The following DOCK1 variants were observed in gnomAD, a reference collection of about 807,000 sequenced individuals.
DOCK1 encodes dedicator of cytokinesis 1.
A neutral mutation model predicts 262.7 loss-of-function variants in DOCK1; 138 were observed. That is an observed-to-expected ratio of 0.53 (90% CI 0.46 to 0.61). The LOEUF is 0.61. DOCK1 is among the 20% of genes least tolerant of loss of function. The probability of loss-of-function intolerance (pLI) is 0.00; values close to 1 mark genes in which losing one functional copy is unlikely to be tolerated. For missense variants in DOCK1, 1,908 were observed against 2,370.7 expected, an observed-to-expected ratio of 0.80 and a Z score of 4.05; for synonymous variants, 866 against 867.4, an observed-to-expected ratio of 1.00 and a Z score of 0.03.
At chr10:127,149,762 T>G (rs1301741180) in intron 27 of DOCK1, among the ~76,000 whole-genome samples, 3 of 152,210 alleles carry the variant, frequency 2.0e-5, no homozygotes, top group Admixed American at 2.0e-4. Context: ...TTCTCAAGCC[T>G]CTGGGACAAC....
At chr10:127,396,157 C>T (rs72842981) in intron 38 of DOCK1, among the ~76,000 whole-genome samples, 58,450 of 146,108 alleles carry the variant, frequency 0.4, 12,203 homozygotes, top group Middle Eastern at 0.52. Context: ...ATGCTGGCTG[C>T]ATTCAAGAAT....
intron 1 of DOCK1, among the ~76,000 whole-genome samples, chr10:126,907,659 T>C (rs935874843): frequency 6.6e-6 from 1 of 152,078 alleles, no homozygotes; most frequent in Non-Finnish European, 1.5e-5. Flanking sequence ...GTTAGGATCC[T>C]ATAGTGTAGC....
chr10:126,999,895 T>G (rs1223132158), intron 9 of DOCK1, among the ~76,000 whole-genome samples: 1 of 152,192 alleles, frequency 6.6e-6, no homozygotes, highest in Non-Finnish European at 1.5e-5. Context: ...CAGGCTGCTC[T>G]CAAACTCCTG....
chr10:127,006,482 T>G (rs2041032081), intron 10 of DOCK1, among the ~76,000 whole-genome samples: 1 of 152,178 alleles, frequency 6.6e-6, no homozygotes, highest in Non-Finnish European at 1.5e-5. Context: ...CTGGGGGAAT[T>G]TTTCCCCCAA....
chr10:127,016,881 AACAC>A (rs1460481284), intron 12 of DOCK1, among the ~76,000 whole-genome samples: 4 of 125,736 alleles, frequency 3.2e-5, no homozygotes, highest in Non-Finnish European at 6.8e-5. Flanking sequence ...ATACACCACA[AACAC>A]ACAGATGCAG....
At chr10:127,199,893 G>A (rs2057376338) in intron 27 of DOCK1, among the ~76,000 whole-genome samples, 1 of 152,182 alleles carries the variant, frequency 6.6e-6, no homozygotes, top group Non-Finnish European at 1.5e-5. Flanking sequence ...CAGTGAACCA[G>A]TGTATCTGTC....
chr10:127,027,901 C>G (rs61873968), intron 16 of DOCK1, among the ~76,000 whole-genome samples: 6,890 of 151,926 alleles, frequency 0.045, 215 homozygotes, highest in Middle Eastern at 0.068. Flanking sequence ...TGCTGTTGTT[C>G]AGGGGAGTTG....
chr10:127,383,144 C>G (rs1277677950), intron 37 of DOCK1, among the ~76,000 whole-genome samples: 4 of 152,150 alleles, frequency 2.6e-5, no homozygotes, highest in African/African-American at 9.7e-5. Context: ...AACTGAAAAT[C>G]CTCAAATAGA....
chr10:127,094,817 G>C (rs1368512152), intron 23 of DOCK1, among the ~76,000 whole-genome samples: 2 of 152,146 alleles, frequency 1.3e-5, no homozygotes, highest in African/African-American at 4.8e-5. Context: ...TGTGGAACTG[G>C]ACCGTTTTCC....
At chr10:127,151,743 G>A (rs1020795139) in intron 27 of DOCK1, among the ~76,000 whole-genome samples, 2 of 152,176 alleles carry the variant, frequency 1.3e-5, no homozygotes, top group Non-Finnish European at 2.9e-5. Flanking sequence ...TACCTAGTGA[G>A]TCTTCCTAAG....
chr10:126,922,804 T>C (rs1041658707), intron 1 of DOCK1, among the ~76,000 whole-genome samples: 2 of 152,198 alleles, frequency 1.3e-5, no homozygotes, highest in African/African-American at 4.8e-5. Context: ...ATGTTAGTTT[T>C]ACCTCCTTTA....
In DOCK1 at chr10:127,056,801, C is replaced by T. The variant is rs534922644; in HGVS notation, c.2336+3986C>T. On this transcript the variant is annotated intron_variant, in intron 22 of 51. Transcript: ENST00000623213. ...ACATAACGTTCTTTGAGATGTGGAG[C>T]ACCTAGCCGCATTGTGCAGAGACAA... Among the ~76,000 whole-genome samples, 4 of 152,274 alleles carry T rather than the reference C, an allele frequency of 2.6e-5. No homozygotes were observed. In the South Asian group the frequency reaches 6.2e-4, roughly 24 times the overall value.
In DOCK1 at chr10:127,297,157, C is replaced by T. The variant is rs59153887; in HGVS notation, c.3044+39728C>T. Reference sequence around the variant, plus strand: ...GCTAGTTGTGGAAGACAAGCACAGGCCAAGAAATGTGGGTGGACACCATTA... The same window carrying T: ...GCTAGTTGTGGAAGACAAGCACAGGTCAAGAAATGTGGGTGGACACCATTA... On this transcript the variant is annotated intron_variant, in intron 29 of 51. Coordinates refer to ENST00000623213, the MANE Select transcript of DOCK1 (RefSeq NM_001290223.2). Among the ~76,000 whole-genome samples the T allele has an allele frequency of 3.1e-3, 477 of 152,148 alleles. 4 individuals carry two copies. Among genetic ancestry groups the T allele is most frequent in the African/African-American group, 0.011 (461 of 41,490 alleles).
intron 27 of DOCK1, among the ~76,000 whole-genome samples, chr10:127,198,018 A>G (rs974988896): frequency 6.6e-6 from 1 of 152,172 alleles, no homozygotes; most frequent in Non-Finnish European, 1.5e-5. Flanking sequence ...CTGTGGATCC[A>G]AACTCTGCCC....
intron 22 of DOCK1, among the ~76,000 whole-genome samples, chr10:127,059,229 T>C (rs1045382786): frequency 6.6e-6 from 1 of 152,206 alleles, no homozygotes; most frequent in African/African-American, 2.4e-5. Context: ...CTTGCTGCTT[T>C]TAGTTTGTCT....
intron 2 of DOCK1, among the ~76,000 whole-genome samples, chr10:126,976,181 A>G (rs908063134): frequency 6.6e-6 from 1 of 152,190 alleles, no homozygotes; most frequent in African/African-American, 2.4e-5. Flanking sequence ...GCACTGTGTC[A>G]TAGATGGGCG....
At chr10:126,973,791 A>G (rs190725900) in intron 2 of DOCK1, among the ~76,000 whole-genome samples, 3 of 152,074 alleles carry the variant, frequency 2.0e-5, no homozygotes, top group Non-Finnish European at 2.9e-5. Context: ...TCTAAATTTC[A>G]TGGCTTGTAT....
chr10:127,399,661 G>A (rs984324635), intron 38 of DOCK1, among the ~76,000 whole-genome samples: 4 of 152,036 alleles, frequency 2.6e-5, no homozygotes, highest in Non-Finnish European at 5.9e-5. Flanking sequence ...AAACAGATTA[G>A]GCTTTTACTC....
chr10:127,326,677 A>T (rs1395930625), intron 29 of DOCK1, among the ~76,000 whole-genome samples: 1 of 152,174 alleles, frequency 6.6e-6, no homozygotes, highest in African/African-American at 2.4e-5. Flanking sequence ...ATGAATCATG[A>T]CTCTTCTAAA....
Sources: gnomAD v4.1 joint callset for allele counts (sites outside exome capture counted in the v4.1 genomes callset) on GRCh38, gnomAD v4.1.1 for gene constraint, MANE v1.5 for transcripts, NCBI Gene and HGNC (gene_info 2026-07-23, HGNC 2026-07-21) for gene names.